Variants in LAMA2 observed in about 807,000 individuals in gnomAD.
LAMA2 encodes laminin subunit alpha 2, also known as laminin subunit alpha-2.
A neutral mutation model predicts 364.8 loss-of-function variants in LAMA2; 269 were observed. The ratio of observed to expected loss-of-function variants is 0.74; its 90% confidence interval spans 0.67 to 0.82. The LOEUF (loss-of-function observed/expected upper bound fraction) is 0.82, where lower values mean the gene tolerates loss of function less well. Ranked by LOEUF, LAMA2 falls within the 40% of genes least tolerant of loss-of-function variation. The pLI, the probability that LAMA2 is intolerant of heterozygous loss-of-function variation, is 0.00. For missense variants in LAMA2, 3,807 were observed against 3,873.2 expected, an observed-to-expected ratio of 0.98 and a Z score of 0.45; for synonymous variants, 1,379 against 1,370.6, an observed-to-expected ratio of 1.01 and a Z score of -0.14.
chr6:129,127,356 A>C (rs1347755685), intron 4 of LAMA2, among the ~76,000 whole-genome samples: 1 of 152,122 alleles, frequency 6.6e-6, no homozygotes, highest in Non-Finnish European at 1.5e-5. Context: ...AAATGACAGA[A>C]TTTTCTTTTT....
intron 3 of LAMA2, among the ~76,000 whole-genome samples, chr6:129,079,743 A>T (rs1330699607): frequency 6.6e-6 from 1 of 152,144 alleles, no homozygotes; most frequent in Non-Finnish European, 1.5e-5. Flanking sequence ...ATCTTGAAAC[A>T]TGACAGATAC....
chr6:128,887,262 A>C (rs552282978), intron 1 of LAMA2, among the ~76,000 whole-genome samples: 11 of 152,062 alleles, frequency 7.2e-5, no homozygotes, highest in African/African-American at 2.7e-4. Context: ...AGTGGCCATA[A>C]ACCTGGAATT....
chr6:129,004,499 T>C (rs1562910238), intron 1 of LAMA2, among the ~76,000 whole-genome samples: 1 of 151,682 alleles, frequency 6.6e-6, no homozygotes, highest in African/African-American at 2.4e-5. Context: ...GACTTGCACC[T>C]ATATGTACTT....
intron 40 of LAMA2, among the ~76,000 whole-genome samples, chr6:129,412,263 G>A (rs1322916197): frequency 6.6e-6 from 1 of 152,098 alleles, no homozygotes; most frequent in Non-Finnish European, 1.5e-5. Flanking sequence ...CTTCTTCAGG[G>A]GACCTCAGTA....
chr6:128,910,175 C>A (rs1425155145), intron 1 of LAMA2, among the ~76,000 whole-genome samples: 1 of 152,100 alleles, frequency 6.6e-6, no homozygotes, highest in East Asian at 1.9e-4. Context: ...TGAATCTGAA[C>A]GTTGGCCTGC....
intron 56 of LAMA2, among the ~76,000 whole-genome samples, 174 bp from the exon 57 acceptor site, chr6:129,491,727 A>G (rs1043580613): frequency 8.5e-5 from 13 of 152,198 alleles, no homozygotes; most frequent in Non-Finnish European, 2.9e-5. Flanking sequence ...CGAGGGAGTC[A>G]TGGAACGAGA....
chr6:129,007,752 C>A (rs1784525508), intron 1 of LAMA2, among the ~76,000 whole-genome samples: 1 of 152,114 alleles, frequency 6.6e-6, no homozygotes, highest in Non-Finnish European at 1.5e-5. Flanking sequence ...TTTAGGCTGC[C>A]ATTTTTTTCC....
rs574889658 is a variant in LAMA2 at position 129,410,982 on chromosome 6, AGAAGG to A, written c.5865+7029_5865+7033del. Among the ~76,000 whole-genome samples, 27 of 152,310 alleles carry A rather than the reference AGAAGG, an allele frequency of 1.8e-4. No individual in the cohort carries two copies. The South Asian group carries it at 5.6e-3, about 32-fold the overall frequency. Reference sequence around the variant, plus strand: ...CCCAGCTCAATCTGTAAGGCAGAAAAGAAGGGAAGGAATTCCTCCTTTCTTTGCTT... The same window carrying A: ...CCCAGCTCAATCTGTAAGGCAGAAAAGAAGGAATTCCTCCTTTCTTTGCTT... On this transcript the variant is annotated intron_variant, in intron 40 of 64. Transcript: ENST00000421865.
intron 12 of LAMA2, among the ~76,000 whole-genome samples, chr6:129,195,945 T>C (rs1781815358): frequency 6.6e-6 from 1 of 152,218 alleles, no homozygotes; most frequent in East Asian, 1.9e-4. Flanking sequence ...TGAGGCAGCT[T>C]CCAAAAGCAA....
At chr6:129,481,095 AAAT>A (rs1274399765) in intron 54 of LAMA2, among the ~76,000 whole-genome samples, 165 bp from the exon 55 acceptor site, 4 of 152,336 alleles carry the variant, frequency 2.6e-5, no homozygotes, top group East Asian at 1.9e-4. Flanking sequence ...ATATAACTAG[AAAT>A]AATATTTCTT....
intron 3 of LAMA2, among the ~76,000 whole-genome samples, chr6:129,080,369 G>T (rs1377200074): frequency 6.6e-6 from 1 of 152,132 alleles, no homozygotes; most frequent in African/African-American, 2.4e-5. Flanking sequence ...ATAATTGTGA[G>T]AATCTCACTA....
chr6:129,041,516 A>G (rs1015107136), intron 1 of LAMA2, among the ~76,000 whole-genome samples: 1 of 152,176 alleles, frequency 6.6e-6, no homozygotes, highest in Admixed American at 6.5e-5. Flanking sequence ...TCTACATTTG[A>G]TTTAAGAAAT....
intron 3 of LAMA2, among the ~76,000 whole-genome samples, chr6:129,073,440 C>T (rs998674406): frequency 3.5e-4 from 54 of 152,172 alleles, no homozygotes; most frequent in African/African-American, 1.2e-3. Flanking sequence ...AATTCTTAGC[C>T]GATATTTTCT....
At chr6:129,300,092 C>T (rs964093939) in intron 21 of LAMA2, among the ~76,000 whole-genome samples, 9 of 152,202 alleles carry the variant, frequency 5.9e-5, no homozygotes, top group East Asian at 3.9e-4. Flanking sequence ...AGGTAGATAA[C>T]TTTGTACCCT....
chr6:129,400,522 G>A (rs1377016625), intron 37 of LAMA2, among the ~76,000 whole-genome samples: 1 of 152,138 alleles, frequency 6.6e-6, no homozygotes, highest in Non-Finnish European at 1.5e-5. Flanking sequence ...AGGTAGAATG[G>A]TGATTTCAGG....
intron 8 of LAMA2, among the ~76,000 whole-genome samples, chr6:129,159,830 A>T (rs774889370): frequency 2.6e-5 from 4 of 152,168 alleles, no homozygotes; most frequent in Non-Finnish European, 5.9e-5. Context: ...GCATTTTGTC[A>T]TATGCTTTTC....
At chr6:129,374,945 T>TA (rs924569127) in intron 34 of LAMA2, among the ~76,000 whole-genome samples, 9 of 152,014 alleles carry the variant, frequency 5.9e-5, no homozygotes, top group African/African-American at 2.2e-4. Flanking sequence ...AGTCACTTGA[T>TA]ACAGTCTTTA....
intron 45 of LAMA2, among the ~76,000 whole-genome samples, chr6:129,447,694 A>G (rs571907636): frequency 6.6e-6 from 1 of 152,340 alleles, no homozygotes. Flanking sequence ...GAAGCAGTGT[A>G]TGGGGTAGAT....
intron 1 of LAMA2, among the ~76,000 whole-genome samples, chr6:128,986,002 T>A (rs1048929832): frequency 1.3e-5 from 2 of 152,298 alleles, no homozygotes; most frequent in East Asian, 3.9e-4. Context: ...AATACTTGAT[T>A]CTTTCTTTTT....
Sources: allele counts gnomAD v4.1 joint callset (sites outside exome capture counted in the v4.1 genomes callset), GRCh38; gene constraint gnomAD v4.1.1; transcripts MANE v1.5; gene names NCBI Gene and HGNC (gene_info 2026-07-23, HGNC 2026-07-21).